The following VRK2 variants were observed in gnomAD, a reference collection of about 807,000 sequenced individuals.
VRK2 encodes serine/threonine-protein kinase VRK2.
VRK2 carries 60 observed loss-of-function variants against 57.6 expected under a neutral mutation model. The ratio of observed to expected loss-of-function variants is 1.04; its 90% confidence interval spans 0.85 to 1.29. The LOEUF (loss-of-function observed/expected upper bound fraction) is 1.29. Among genes scored for constraint, VRK2 ranks in the 50% most tolerant of loss-of-function variants. The pLI, the probability that VRK2 is intolerant of heterozygous loss-of-function variation, is 0.00. For missense variants in VRK2, 705 were observed against 588.1 expected (o/e 1.20, Z -2.06); for synonymous variants, 231 against 199.2 (o/e 1.16, Z -1.35).
chr2:58,021,230 T>C (rs1236538803), intron 1 of VRK2, among the ~76,000 whole-genome samples: 1 of 152,102 alleles, frequency 6.6e-6, no homozygotes, highest in African/African-American at 2.4e-5. Context: ...TACAAATGAG[T>C]GAAAAATTAA....
At chr2:57,940,844 A>T (rs1402509547) in intron 1 of VRK2, among the ~76,000 whole-genome samples, 2 of 152,100 alleles carry the variant, frequency 1.3e-5, no homozygotes, top group Non-Finnish European at 2.9e-5. Flanking sequence ...ATAAATTTAG[A>T]TATTAAATGT....
intron 2 of VRK2, among the ~76,000 whole-genome samples, chr2:58,075,733 C>T (rs1370539306): frequency 6.6e-6 from 1 of 152,080 alleles, no homozygotes; most frequent in African/African-American, 2.4e-5. Flanking sequence ...GATAGGAAAG[C>T]TAGAAGAGGC....
At chr2:58,058,238 C>A in intron 2 of VRK2, 2 of 414,498 alleles carry the variant, frequency 4.8e-6, no homozygotes, top group South Asian at 1.8e-5. Flanking sequence ...GCTGGAATTA[C>A]TTTAAAAGTG....
At chr2:57,919,237 G>A (rs1007538762) in intron 1 of VRK2, among the ~76,000 whole-genome samples, 1 of 151,870 alleles carries the variant, frequency 6.6e-6, no homozygotes, top group Non-Finnish European at 1.5e-5. Flanking sequence ...AAAGATAAAG[G>A]TAAAAGAAAA....
At chr2:58,145,839 T>G (rs1483130106) in intron 11 of VRK2, among the ~76,000 whole-genome samples, 1 of 152,012 alleles carries the variant, frequency 6.6e-6, no homozygotes. Flanking sequence ...GTGTTCTCTG[T>G]TCAATTCCCA....
chr2:58,021,556 A>G (rs1673756989), intron 1 of VRK2, among the ~76,000 whole-genome samples: 1 of 152,234 alleles, frequency 6.6e-6, no homozygotes, highest in Non-Finnish European at 1.5e-5. Context: ...CTGGGTTTAT[A>G]CTACCATGAA....
At chr2:58,134,838 C>T (rs1007335717) in intron 9 of VRK2, among the ~76,000 whole-genome samples, 2 of 152,040 alleles carry the variant, frequency 1.3e-5, no homozygotes, top group African/African-American at 4.8e-5. Flanking sequence ...TATACTTTCT[C>T]CTGTTAACTG....
chr2:57,950,724 G>A (rs1671400833), intron 1 of VRK2, among the ~76,000 whole-genome samples: 2 of 152,180 alleles, frequency 1.3e-5, no homozygotes, highest in Admixed American at 6.5e-5. Context: ...CATAGATGGT[G>A]ATTCTTCTGA....
chr2:58,091,142 G>A (rs916267536), intron 7 of VRK2, among the ~76,000 whole-genome samples: 3 of 152,276 alleles, frequency 2.0e-5, no homozygotes, highest in East Asian at 1.9e-4. Context: ...GTGAATACAT[G>A]TCATCATTTG....
intron 7 of VRK2, among the ~76,000 whole-genome samples, chr2:58,122,344 C>T (rs925871019): frequency 1.3e-5 from 2 of 152,152 alleles, no homozygotes; most frequent in East Asian, 1.9e-4. Context: ...ACTCCAAAAA[C>T]GTTACTAATA....
intron 1 of VRK2, among the ~76,000 whole-genome samples, chr2:58,011,070 A>T: frequency 6.6e-6 from 1 of 152,172 alleles, no homozygotes; most frequent in East Asian, 1.9e-4. Flanking sequence ...TTGTTTTTAG[A>T]ACCAATCATT....
chr2:58,059,816 A>C (rs987845637), intron 2 of VRK2, among the ~76,000 whole-genome samples: 1 of 151,816 alleles, frequency 6.6e-6, no homozygotes, highest in Non-Finnish European at 1.5e-5. Flanking sequence ...TTTATACTAG[A>C]ATACTTTTTT....
upstream of VRK2, among the ~76,000 whole-genome samples, chr2:58,045,076 C>G (rs1291161251): frequency 6.6e-6 from 1 of 152,156 alleles, no homozygotes; most frequent in African/African-American, 2.4e-5. Flanking sequence ...CGAAGACTGG[C>G]TAATTGTGAG....
At chr2:58,069,670 T>C (rs999078142) in intron 2 of VRK2, among the ~76,000 whole-genome samples, 4 of 152,166 alleles carry the variant, frequency 2.6e-5, no homozygotes, top group Admixed American at 6.5e-5. Context: ...TCCCTGCTGC[T>C]GCCGCCACTG....
At chr2:58,031,878 T>C (rs1372320432) in intron 2 of VRK2, among the ~76,000 whole-genome samples, 1 of 152,114 alleles carries the variant, frequency 6.6e-6, no homozygotes, top group Non-Finnish European at 1.5e-5. Context: ...ATTGAAATTA[T>C]AACAATCCAA....
At chr2:57,926,439 ATGTG>A (rs142768773) in intron 1 of VRK2, among the ~76,000 whole-genome samples, 2,151 of 145,676 alleles carry the variant, frequency 0.015, 49 homozygotes, top group African/African-American at 0.045. Flanking sequence ...ACATATATAT[ATGTG>A]TGTGTGTGTG....
intron 1 of VRK2, among the ~76,000 whole-genome samples, chr2:57,943,398 A>G (rs780242818): frequency 7.2e-5 from 11 of 152,372 alleles, no homozygotes; most frequent in Non-Finnish European, 1.3e-4. Flanking sequence ...AGTAAATTTT[A>G]GATTTACAAG....
chr2:57,945,645 T>A (rs568236639), intron 1 of VRK2, among the ~76,000 whole-genome samples: 1 of 152,296 alleles, frequency 6.6e-6, no homozygotes, highest in East Asian at 1.9e-4. Context: ...CTGCTCAAAA[T>A]TGACCCCATC....
chr2:57,965,245 T>C (rs1156692548), intron 1 of VRK2, among the ~76,000 whole-genome samples: 2 of 152,236 alleles, frequency 1.3e-5, no homozygotes, highest in Non-Finnish European at 2.9e-5. Flanking sequence ...CCTCCACAGC[T>C]AAGGGTGAGT....
Sources: gnomAD v4.1 joint callset for allele counts (sites outside exome capture counted in the v4.1 genomes callset) on GRCh38, gnomAD v4.1.1 for gene constraint, MANE v1.5 for transcripts, NCBI Gene and HGNC (gene_info 2026-07-23, HGNC 2026-07-21) for gene names.